SNX30: variants seen among roughly 807,000 people sequenced by gnomAD.
SNX30 encodes sorting nexin-30.
In SNX30, 24 loss-of-function variants were observed where a neutral mutation model predicts 46.4. The observed-to-expected ratio is 0.52, with a 90% CI of 0.37 to 0.73. The LOEUF (loss-of-function observed/expected upper bound fraction) is 0.73, where lower values mean the gene tolerates loss of function less well. Among genes scored for constraint, SNX30 ranks in the 30% least tolerant of loss-of-function variants. SNX30 has a pLI of 0.00. For missense variants in SNX30, 533 were observed against 555.7 expected (o/e 0.96, Z 0.41); for synonymous variants, 189 against 211.5 (o/e 0.89, Z 0.92).
intron 4 of SNX30, among the ~76,000 whole-genome samples, chr9:112,833,218 C>G (rs1224333386): frequency 1.3e-5 from 2 of 152,128 alleles, no homozygotes; most frequent in Non-Finnish European, 2.9e-5. Context: ...TTCCAGCTGC[C>G]TCATTTTTTC....
At chr9:112,780,620 G>A (rs1839830192) in intron 1 of SNX30, among the ~76,000 whole-genome samples, 1 of 152,154 alleles carries the variant, frequency 6.6e-6, no homozygotes, top group Non-Finnish European at 1.5e-5. Flanking sequence ...TGGTGTGGTA[G>A]CGCCATCATG....
At chr9:112,837,595 C>G (rs1840778285) in intron 5 of SNX30, among the ~76,000 whole-genome samples, 1 of 151,994 alleles carries the variant, frequency 6.6e-6, no homozygotes, top group Non-Finnish European at 1.5e-5. Context: ...CCTGCCTCAG[C>G]CTCCTGAGTA....
Position 112,758,532 on chromosome 9 carries a change from G to T in SNX30, c.156+7375G>T, listed in dbSNP as rs544796994. 7.9e-5 allele frequency among the ~76,000 whole-genome samples: 12 copies of T among 152,300 alleles called. No individual in the cohort carries two copies. The South Asian group carries it at 2.3e-3, about 29-fold the overall frequency. ...TTTGGTAGAGATGGGGTTTCGCCATGTTGGCCAGGCTGGTCTTGACGCCTG... is the reference window on the plus strand; with the variant it reads ...TTTGGTAGAGATGGGGTTTCGCCATTTTGGCCAGGCTGGTCTTGACGCCTG... On this transcript the variant is annotated intron_variant, in intron 1 of 8. Transcript: ENST00000374232.
chr9:112,826,599 A>G (rs1322831491), intron 3 of SNX30, among the ~76,000 whole-genome samples: 1 of 152,130 alleles, frequency 6.6e-6, no homozygotes, highest in Non-Finnish European at 1.5e-5. Context: ...TGGAATGCTT[A>G]GCTTTAGGGG....
intron 3 of SNX30, among the ~76,000 whole-genome samples, chr9:112,828,420 T>C (rs1840610091): frequency 6.6e-6 from 1 of 152,262 alleles, no homozygotes; most frequent in African/African-American, 2.4e-5. Flanking sequence ...AGGTGCACTC[T>C]GTGATGTTCA....
intron 2 of SNX30, among the ~76,000 whole-genome samples, chr9:112,817,401 C>CTT (rs56856142): frequency 0.02 from 950 of 46,768 alleles, 206 homozygotes; most frequent in African/African-American, 0.065. Context: ...AAAAAACTGG[C>CTT]TTTTTTTTTT....
chr9:112,779,142 C>T (rs530691429), intron 1 of SNX30, among the ~76,000 whole-genome samples: 1 of 152,338 alleles, frequency 6.6e-6, no homozygotes, highest in East Asian at 1.9e-4. Context: ...AGTGTGTTCT[C>T]CCTTTAGATT....
chr9:112,874,235 A>ATT lies in SNX30; in HGVS notation c.*5392_*5393insTT, dbSNP rs1841488069. On this transcript the variant is annotated 3_prime_UTR_variant, in exon 9 of 9. Coordinates refer to ENST00000374232, the MANE Select transcript of SNX30 (RefSeq NM_001012994.2). The stretch of plus-strand genomic sequence containing the variant: ...CATCTCGGCCTTTATCCAATAACAA[A>ATT]CCAGCATCTCTTAAAGGCGCTTTTG... The ATT allele has an allele frequency of 6.6e-6, 1 of 152,206 alleles. No individual in the cohort carries two copies. The highest frequency in any genetic ancestry group is 1.5e-5 in the Non-Finnish European group (1 of 68,038). 9.4% of individuals were successfully genotyped at this position (152,206 alleles called of 1,614,324 possible). A position where few individuals can be genotyped will look rare whatever the true frequency, so the allele number is the denominator to read the frequency against.
intron 3 of SNX30, among the ~76,000 whole-genome samples, chr9:112,828,018 G>A (rs893376281): frequency 2.0e-5 from 3 of 152,158 alleles, no homozygotes; most frequent in African/African-American, 4.8e-5. Flanking sequence ...TCATGCACAC[G>A]TTCACAGGCA....
intron 7 of SNX30, among the ~76,000 whole-genome samples, chr9:112,851,536 A>T (rs770851364): frequency 6.4e-4 from 98 of 152,178 alleles, no homozygotes; most frequent in Non-Finnish European, 1.1e-3. Flanking sequence ...GAGCAGCACT[A>T]ATCTTGCTTG....
intron 2 of SNX30, among the ~76,000 whole-genome samples, chr9:112,810,742 GC>G (rs1840306485): frequency 6.6e-6 from 1 of 152,152 alleles, no homozygotes; most frequent in Non-Finnish European, 1.5e-5. Context: ...TGGAAAGGAA[GC>G]CTGAGAGCCA....
In SNX30 at chr9:112,795,765, T is replaced by TCTCACACACACACACACA. The variant is rs34877094; in HGVS notation, c.157-9010_157-9009insTCACACACACACACACAC. Among the ~76,000 whole-genome samples the TCTCACACACACACACACA allele has an allele frequency of 3.5e-3, 434 of 123,324 alleles. 4 individuals carry two copies. Among genetic ancestry groups the TCTCACACACACACACACA allele is most frequent in the South Asian group, 5.5e-3 (19 of 3,428 alleles). 80.9% of individuals were successfully genotyped at this position (123,324 alleles called of 152,430 possible). A position where few individuals can be genotyped will look rare whatever the true frequency, so the allele number is the denominator to read the frequency against. On this transcript the variant is annotated intron_variant, in intron 1 of 8. Transcript: ENST00000374232. Reference sequence around the variant, plus strand: ...TCACACACACACACTCACAGTACAGTCACACACACACACACACACACACAC... The same window carrying TCTCACACACACACACACA: ...TCACACACACACACTCACAGTACAGTCTCACACACACACACACACACACACACACACACACACACACAC...
At chr9:112,762,322 G>T (rs1457326633) in intron 1 of SNX30, among the ~76,000 whole-genome samples, 5 of 152,158 alleles carry the variant, frequency 3.3e-5, no homozygotes, top group African/African-American at 4.8e-5. Flanking sequence ...CACACAGCGT[G>T]TTTGGGTGGC....
chr9:112,784,450 G>T (rs1382465723), intron 1 of SNX30, among the ~76,000 whole-genome samples: 1 of 152,130 alleles, frequency 6.6e-6, no homozygotes, highest in African/African-American at 2.4e-5. Context: ...CACTTTCCAG[G>T]CCTTATTTCC....
At chr9:112,859,777 G>A (rs1255094711) in intron 7 of SNX30, among the ~76,000 whole-genome samples, 2 of 151,622 alleles carry the variant, frequency 1.3e-5, no homozygotes, top group East Asian at 1.9e-4. Flanking sequence ...GAAGTGCTGG[G>A]ATTACAGGTG....
intron 4 of SNX30, 145 bp downstream of exon 4, chr9:112,831,028 C>G: frequency 5.0e-6 from 4 of 796,592 alleles, no homozygotes; most frequent in South Asian, 2.2e-5. Flanking sequence ...GTCCCAGCTA[C>G]CTGGGAGGCT....
chr9:112,884,072 A>C (rs1413185112), downstream of SNX30, among the ~76,000 whole-genome samples: 1 of 152,222 alleles, frequency 6.6e-6, no homozygotes, highest in African/African-American at 2.4e-5. Flanking sequence ...GGTTGTAGAT[A>C]AGCAGAACCT....
chr9:112,817,661 T>G (rs1425864305), intron 2 of SNX30, 44 bp from the exon 3 acceptor site: 1 of 1,147,224 alleles, frequency 8.7e-7, no homozygotes, highest in Admixed American at 1.7e-5. Context: ...AGCCAAGATA[T>G]GCTATTCCCT....
chr9:112,833,070 T>C (rs1302102803), intron 4 of SNX30, among the ~76,000 whole-genome samples: 1 of 152,064 alleles, frequency 6.6e-6, no homozygotes, highest in African/African-American at 2.4e-5. Context: ...TAACATTTAC[T>C]ATCCTAACAA....
Sources: gnomAD v4.1 joint callset for allele counts (sites outside exome capture counted in the v4.1 genomes callset) on GRCh38, gnomAD v4.1.1 for gene constraint, MANE v1.5 for transcripts, NCBI Gene and HGNC (gene_info 2026-07-23, HGNC 2026-07-21) for gene names.